The following HMCN1 variants were observed in gnomAD, a reference collection of about 807,000 sequenced individuals.
The protein encoded by HMCN1 is hemicentin-1.
In HMCN1, 321 loss-of-function variants were observed where a neutral mutation model predicts 625.9. That is an observed-to-expected ratio of 0.51 (90% CI 0.47 to 0.56). The LOEUF (loss-of-function observed/expected upper bound fraction) is 0.56. Among genes scored for constraint, HMCN1 ranks in the 20% least tolerant of loss-of-function variants. HMCN1 has a pLI of 0.00. For synonymous variants in HMCN1, 2,425 were observed against 2,417.6 expected (o/e 1.00, Z -0.09); for missense variants, 6,588 against 6,887.3 (o/e 0.96, Z 1.54).
In HMCN1 at chr1:186,016,905, A is replaced by G. The variant is rs907772067; in HGVS notation, c.5192-58A>G. On this transcript the variant is annotated intron_variant, in intron 32 of 106. Transcript: ENST00000271588. ...CTGCTATGTATTATTGCTTCATATG[A>G]TGGTGTGTTTTTTGTTGTATACATT... 4 of 910,754 alleles carry G rather than the reference A, an allele frequency of 4.4e-6. No homozygotes were observed. In the African/African-American group the frequency reaches 4.9e-5, roughly 11 times the overall value. The allele number at this position is 910,754 out of a possible 1,614,324, so 56.4% of individuals were successfully genotyped here. A position where few individuals can be genotyped will look rare whatever the true frequency, so the allele number is the denominator to read the frequency against.
intron 8 of HMCN1, 54 bp from the exon 9 acceptor site, chr1:185,924,993 C>T (rs1667203080): frequency 6.8e-7 from 1 of 1,470,806 alleles, no homozygotes; most frequent in Non-Finnish European, 9.3e-7. Flanking sequence ...TACTTAACAT[C>T]ATTGTGACCT....
chr1:185,876,546 C>CT (rs1381599693), intron 4 of HMCN1, among the ~76,000 whole-genome samples: 1 of 152,040 alleles, frequency 6.6e-6, no homozygotes, highest in Non-Finnish European at 1.5e-5. Flanking sequence ...TAAGCGTTCT[C>CT]TTTTCTCTTC....
rs1228108901 is a variant in HMCN1, at chr1:186,130,046, A to G, written c.12985A>G (p.Thr4329Ala). 1 of 1,613,232 alleles carries G rather than the reference A, an allele frequency of 6.2e-7. No individual in the cohort carries two copies. The highest frequency in any genetic ancestry group is 8.5e-7 in the Non-Finnish European group (1 of 1,179,470). Residue 4329 changes from threonine to alanine, a missense_variant, in exon 84 of 107, where the codon ACC becomes GCC. By Grantham distance (58) the Thr-to-Ala change is moderately conservative. Coordinates refer to ENST00000271588, the MANE Select transcript of HMCN1 (RefSeq NM_031935.3). ...AGAGGATTCAGGTACTTATGTGTGC[A>G]CCGCAGAGAACAGCGTTGGCTTTGT... is the stretch of plus-strand genomic sequence containing the variant. The part of the protein sequence containing the change: ...SKEDSGTYVC[T>A]AENSVGFVKA...
chr1:186,088,682 T>G lies in HMCN1; in HGVS notation c.9654T>G (p.Asp3218Glu). The change falls in exon 63 of 107, where the codon GAT becomes GAG. Residue 3218 changes from aspartate (D) to glutamate (E), a missense_variant. Transcript: ENST00000271588. The part of the protein sequence containing the change: ...KLQIARSQHS[D>E]SGNYTCIASN... ...AGATTGCCCGGTCTCAGCATTCAGA[T>G]AGTGGAAACTATACATGTATTGCTT... 7 of 1,611,892 alleles carry G rather than the reference T, an allele frequency of 4.3e-6. No homozygotes were observed. Among genetic ancestry groups the G allele is most frequent in the Non-Finnish European group, 5.9e-6 (7 of 1,178,742 alleles).
chr1:186,080,237 T>C (rs55955873), intron 55 of HMCN1, among the ~76,000 whole-genome samples: 3,769 of 152,264 alleles, frequency 0.025, 158 homozygotes, highest in African/African-American at 0.086. Flanking sequence ...GAGTATTTTC[T>C]TTACAAACTT....
At chr1:185,998,683 C>A (rs939968016) in intron 25 of HMCN1, among the ~76,000 whole-genome samples, 1 of 152,048 alleles carries the variant, frequency 6.6e-6, no homozygotes, top group African/African-American at 2.4e-5. Context: ...TCCTTACTTC[C>A]TCATTTTCAC....
intron 105 of HMCN1, among the ~76,000 whole-genome samples, chr1:186,183,084 CA>C (rs1477139089): frequency 1.3e-5 from 2 of 152,168 alleles, no homozygotes; most frequent in Non-Finnish European, 2.9e-5. Context: ...ATTTTGTAGA[CA>C]AAATCTAGGA....
At chr1:186,189,351 T>C (rs1282852505) in intron 106 of HMCN1, among the ~76,000 whole-genome samples, 161 bp from the exon 107 acceptor site, 1 of 152,174 alleles carries the variant, frequency 6.6e-6, no homozygotes, top group Non-Finnish European at 1.5e-5. Context: ...GGTGTCTGGT[T>C]TGAGTTAGTG....
chr1:186,160,368 C>G (rs1375000524), intron 97 of HMCN1, among the ~76,000 whole-genome samples: 1 of 147,966 alleles, frequency 6.8e-6, no homozygotes, highest in Non-Finnish European at 1.5e-5. Flanking sequence ...TTTCAAAAAA[C>G]CAGCTCCTGG....
At chr1:185,874,891 G>C (rs1663834584) in intron 4 of HMCN1, among the ~76,000 whole-genome samples, 1 of 151,614 alleles carries the variant, frequency 6.6e-6, no homozygotes, top group South Asian at 2.1e-4. Flanking sequence ...CTGTAAAAAA[G>C]GAGAAAGTCT....
chr1:185,847,527 CTGCTTCCTCATATGTAACATAT>C (rs1392046755), intron 2 of HMCN1, among the ~76,000 whole-genome samples: 6 of 152,346 alleles, frequency 3.9e-5, no homozygotes, highest in Admixed American at 2.6e-4. Flanking sequence ...ATGAAGCCCT[CTGCTTCCTCATATGTAACATAT>C]AATCCATTTC....
chr1:186,075,298 T>C (rs1658742816), intron 53 of HMCN1, among the ~76,000 whole-genome samples: 1 of 152,002 alleles, frequency 6.6e-6, no homozygotes, highest in African/African-American at 2.4e-5. Context: ...TGAAATAATG[T>C]GTACACCAAA....
Position 186,038,119 on chromosome 1 carries a change from T to A in HMCN1, c.5851+84T>A, listed in dbSNP as rs933268113. ...ATTGGTTTTGAGCATAATATACTAATTACTAGTAAAGAACAGGTTATAGAA... is the reference window on the plus strand; with the variant it reads ...ATTGGTTTTGAGCATAATATACTAAATACTAGTAAAGAACAGGTTATAGAA... On this transcript the variant is annotated intron_variant, in intron 37 of 106. Transcript: ENST00000271588. 8 of 820,964 alleles carry A rather than the reference T, an allele frequency of 9.7e-6. No homozygotes were observed. In the Admixed American group the frequency reaches 1.4e-4, roughly 15 times the overall value. The allele number at this position is 820,964 out of a possible 1,614,324, so 50.9% of individuals were successfully genotyped here.
At chr1:185,867,091 C>A (rs896258200) in intron 4 of HMCN1, among the ~76,000 whole-genome samples, 1 of 152,082 alleles carries the variant, frequency 6.6e-6, no homozygotes, top group Non-Finnish European at 1.5e-5. Flanking sequence ...TAGGACATTA[C>A]AAATTTCTAG....
At chr1:186,044,533 C>T (rs1656430935) in intron 40 of HMCN1, among the ~76,000 whole-genome samples, 1 of 152,104 alleles carries the variant, frequency 6.6e-6, no homozygotes, top group Admixed American at 6.6e-5. Flanking sequence ...CATTATCTTG[C>T]CACATGCTGG....
At chr1:186,117,743 A>G (rs1179159264) in intron 77 of HMCN1, 120 bp downstream of exon 77, 1 of 981,306 alleles carries the variant, frequency 1.0e-6, no homozygotes, top group African/African-American at 1.6e-5. Context: ...CTTGAACTTA[A>G]AAATCTGGAA....
intron 6 of HMCN1, among the ~76,000 whole-genome samples, chr1:185,916,500 G>A (rs748168908): frequency 3.9e-5 from 6 of 152,078 alleles, no homozygotes; most frequent in Admixed American, 1.3e-4. Flanking sequence ...AAATGTTGAC[G>A]CATGAATTCT....
At chr1:186,095,013 C>A (rs938236828) in intron 67 of HMCN1, among the ~76,000 whole-genome samples, 1 of 152,010 alleles carries the variant, frequency 6.6e-6, no homozygotes. Context: ...ACACATTGTG[C>A]GTTCTGTAAG....
Position 186,130,513 on chromosome 1 carries a change from C to G in HMCN1, c.13046C>G (p.Pro4349Arg). 2 of 1,613,194 alleles carry G rather than the reference C, an allele frequency of 1.2e-6. No individual in the cohort carries two copies. The highest frequency in any genetic ancestry group is 1.7e-6 in the Non-Finnish European group (2 of 1,179,330). Residue 4349 changes from proline (P) to arginine (R), a missense_variant, in exon 85 of 107, where the codon CCA (proline) becomes CGA (arginine). Coordinates refer to ENST00000271588, the MANE Select transcript of HMCN1 (RefSeq NM_031935.3). ...GTCTTATGTTGTTTTCCAGAACCTC[C>G]AGTCTTCAAAGGTGATTATCCTTCT... Reference protein sequence around the residue: ...AIGFVYVKEPPVFKGDYPSNW... With the variant: ...AIGFVYVKEPRVFKGDYPSNW...
Sources: gnomAD v4.1 joint callset for allele counts (sites outside exome capture counted in the v4.1 genomes callset) on GRCh38, gnomAD v4.1.1 for gene constraint, MANE v1.5 for transcripts, NCBI Gene and HGNC (gene_info 2026-07-23, HGNC 2026-07-21) for gene names.